Variants in PTPN3 observed in about 807,000 individuals in gnomAD.
PTPN3 encodes the protein protein tyrosine phosphatase non-receptor type 3.
Under a neutral mutation model 132.7 loss-of-function variants are expected in PTPN3, and 96 were observed. That is an observed-to-expected ratio of 0.72 (90% CI 0.61 to 0.86). The LOEUF (loss-of-function observed/expected upper bound fraction) is 0.86, where lower values mean the gene tolerates loss of function less well. PTPN3 is among the 40% of genes least tolerant of loss of function. The pLI is 0.00. For synonymous variants in PTPN3, 398 were observed against 429.0 expected (o/e 0.93, Z 0.89); for missense variants, 1,125 against 1,159.6 (o/e 0.97, Z 0.43).
In PTPN3 at chr9:109,406,443, C is replaced by T. The variant is rs201682999; in HGVS notation, c.1792+19G>A. Reference sequence around the variant, plus strand: ...CTAGGACAGCTTCCCTATGGCTCCTCCCCCCAGGTGGCCATTACCTCTCCT... The same window carrying T: ...CTAGGACAGCTTCCCTATGGCTCCTTCCCCCAGGTGGCCATTACCTCTCCT... On this transcript the variant is annotated intron_variant, in intron 18 of 25. Transcript: ENST00000374541. 306 of 1,608,488 alleles carry T rather than the reference C, an allele frequency of 1.9e-4. No individual in the cohort carries two copies. The African/African-American group carries it at 3.5e-3, about 18-fold the overall frequency.
chr9:109,416,619 C>A (rs1842524102), intron 14 of PTPN3, among the ~76,000 whole-genome samples: 1 of 151,724 alleles, frequency 6.6e-6, no homozygotes, highest in Non-Finnish European at 1.5e-5. Context: ...CTAATTTTTG[C>A]ATTTTTTTGT....
chr9:109,519,894 C>CA, the PTPN3 span, among the ~76,000 whole-genome samples: 1 of 152,224 alleles, frequency 6.6e-6, no homozygotes, highest in Non-Finnish European at 1.5e-5. Flanking sequence ...CACGCTGGCT[C>CA]ACGCCTGTAA....
intron 18 of PTPN3, among the ~76,000 whole-genome samples, chr9:109,405,342 G>A (rs543786444): frequency 2.6e-5 from 4 of 152,310 alleles, no homozygotes; most frequent in African/African-American, 9.6e-5. Flanking sequence ...TGGGAGCAGA[G>A]CCGAGGCAGG....
chr9:109,484,867 A>G (rs944882234), intron 1 of PTPN3, among the ~76,000 whole-genome samples: 1 of 152,162 alleles, frequency 6.6e-6, no homozygotes, highest in East Asian at 1.9e-4. Context: ...GCGCTAGGAC[A>G]AAGCCTGGCT....
the PTPN3 span, among the ~76,000 whole-genome samples, chr9:109,504,351 C>T: frequency 6.6e-6 from 1 of 152,158 alleles, no homozygotes; most frequent in Non-Finnish European, 1.5e-5. Flanking sequence ...GGACAGGGAG[C>T]CAAGCCAACC....
intron 6 of PTPN3, 92 bp from the exon 7 acceptor site, chr9:109,445,384 T>G (rs771705933): frequency 1.7e-6 from 2 of 1,170,750 alleles, no homozygotes; most frequent in Non-Finnish European, 2.5e-6. Flanking sequence ...TGTCTTTCTT[T>G]GCTTTGATCA....
intron 14 of PTPN3, among the ~76,000 whole-genome samples, chr9:109,417,364 G>A (rs531738717): frequency 1.1e-4 from 17 of 152,192 alleles, no homozygotes; most frequent in East Asian, 3.9e-4. Flanking sequence ...ACAGAACATC[G>A]CACTTAATTC....
the PTPN3 span, chr9:109,534,471 T>A: frequency 8.9e-7 from 1 of 1,125,696 alleles, no homozygotes; most frequent in South Asian, 1.7e-5. Context: ...CCGATCGAAC[T>A]CTTGGCTCTT....
chr9:109,481,298 A>G (rs1426948904), intron 1 of PTPN3, among the ~76,000 whole-genome samples: 1 of 152,140 alleles, frequency 6.6e-6, no homozygotes. Flanking sequence ...CCAACTATAG[A>G]TAAGCAAGAG....
At chr9:109,517,690 T>C in the PTPN3 span, among the ~76,000 whole-genome samples, 4 of 152,336 alleles carry the variant, frequency 2.6e-5, no homozygotes, top group African/African-American at 9.6e-5. Flanking sequence ...GACCATGTGA[T>C]GGAAACCATA....
At position 109,454,485 on chromosome 9, in the gene PTPN3, A is replaced by C. The variant is rs1369354924; in HGVS notation, c.368+11T>G. 1 of 1,607,234 alleles carries C rather than the reference A, an allele frequency of 6.2e-7. No individual in the cohort carries two copies. Among genetic ancestry groups the C allele is most frequent in the Non-Finnish European group, 8.5e-7 (1 of 1,175,902 alleles). ...TACACTAAACAGAAAACTTTAAAAA[A>C]ATGTTGTTACCTGGTTTGTTCTTGC... On this transcript the variant is annotated intron_variant, in intron 5 of 25. Transcript: ENST00000374541.
chr9:109,525,297 A>T, the PTPN3 span, among the ~76,000 whole-genome samples: 2 of 152,102 alleles, frequency 1.3e-5, no homozygotes, highest in African/African-American at 4.8e-5. Flanking sequence ...AGCTCAAGCG[A>T]TCCTCCCACC....
chr9:109,481,929 G>C (rs1343147571), intron 1 of PTPN3, among the ~76,000 whole-genome samples: 1 of 152,192 alleles, frequency 6.6e-6, no homozygotes, highest in African/African-American at 2.4e-5. Flanking sequence ...GACAGGGAGG[G>C]CTGGGACATT....
upstream of PTPN3, among the ~76,000 whole-genome samples, chr9:109,503,113 T>G (rs1004607965): frequency 1.3e-5 from 2 of 152,094 alleles, no homozygotes; most frequent in Admixed American, 6.5e-5. Context: ...AAGAAAATGA[T>G]GTAAAGAGAG....
chr9:109,428,894 C>G, intron 10 of PTPN3: 1 of 985,364 alleles, frequency 1.0e-6, no homozygotes, highest in Non-Finnish European at 1.2e-6. Flanking sequence ...TGCGTAAGGG[C>G]CACTGGATTA....
chr9:109,394,538 G>A (rs1840402351), intron 19 of PTPN3, among the ~76,000 whole-genome samples: 1 of 151,896 alleles, frequency 6.6e-6, no homozygotes, highest in South Asian at 2.1e-4. Context: ...TGCCTCCAAG[G>A]CTCAAGTGGT....
intron 1 of PTPN3, among the ~76,000 whole-genome samples, chr9:109,473,911 CT>C (rs11295310): frequency 0.5 from 72,884 of 145,420 alleles, 18,250 homozygotes; most frequent in Middle Eastern, 0.57. Flanking sequence ...GTTAGAAGTT[CT>C]TTTTTTTTTT....
chr9:109,458,073 G>A (rs1845656952), intron 2 of PTPN3, among the ~76,000 whole-genome samples: 1 of 152,246 alleles, frequency 6.6e-6, no homozygotes, highest in African/African-American at 2.4e-5. Flanking sequence ...GTGTGGGAAT[G>A]GGGACACGGC....
rs184850838 is a variant in PTPN3 at position 109,389,208 on chromosome 9, C to A, written c.2253+25G>T. The A allele has an allele frequency of 1.7e-5, 28 of 1,612,708 alleles. 1 individual carries two copies. The Admixed American group carries it at 4.7e-4, about 27-fold the overall frequency. ...GAGTAGGGTGTGACACTGCACACATCTGAATTAGAAATCAAGCTACTTACC... is the reference window on the plus strand; with the variant it reads ...GAGTAGGGTGTGACACTGCACACATATGAATTAGAAATCAAGCTACTTACC... On this transcript the variant is annotated intron_variant, in intron 22 of 25. Transcript: ENST00000374541.
Sources: allele counts gnomAD v4.1 joint callset (sites outside exome capture counted in the v4.1 genomes callset), GRCh38; gene constraint gnomAD v4.1.1; transcripts MANE v1.5; gene names NCBI Gene and HGNC (gene_info 2026-07-23, HGNC 2026-07-21).